DENND1A: variants seen among roughly 807,000 people sequenced by gnomAD.
DENND1A encodes DENN domain containing 1A.
A neutral mutation model predicts 113.7 loss-of-function variants in DENND1A; 51 were observed. The ratio of observed to expected loss-of-function variants is 0.45; its 90% CI spans 0.36 to 0.57. The LOEUF is 0.57. DENND1A is among the 20% of genes least tolerant of loss of function. DENND1A has a pLI of 0.00. For missense variants in DENND1A, 1,258 were observed against 1,395.9 expected (o/e 0.90, Z 1.57); for synonymous variants, 565 against 570.8 (o/e 0.99, Z 0.14).
chr9:123,658,309 C>T lies in DENND1A; in HGVS notation c.508-6186G>A, dbSNP rs185102686. Among the ~76,000 whole-genome samples, 293 of 152,116 alleles carry T rather than the reference C, an allele frequency of 1.9e-3. 1 individual carries two copies. The highest frequency in any genetic ancestry group is 6.8e-3 in the African/African-American group (282 of 41,474). ...CAAAACCTGGACACTAAAAAAAAAT[C>T]CTTTATATAGCTGGTTTACAATGTA... On this transcript the variant is annotated intron_variant, in intron 8 of 23. Transcript: ENST00000394215.
intron 13 of DENND1A, among the ~76,000 whole-genome samples, chr9:123,483,325 C>T (rs528688835): frequency 9.8e-5 from 15 of 152,314 alleles, no homozygotes; most frequent in African/African-American, 3.6e-4. Flanking sequence ...GCTGGCATGC[C>T]GATGGTGGTC....
intron 21 of DENND1A, among the ~76,000 whole-genome samples, chr9:123,392,548 C>A (rs1338131432): frequency 6.6e-6 from 1 of 152,174 alleles, no homozygotes; most frequent in Non-Finnish European, 1.5e-5. Context: ...CAGGGTGAGG[C>A]TAGGTCCTGC....
At chr9:123,896,433 C>T (rs1427652477) in intron 1 of DENND1A, among the ~76,000 whole-genome samples, 2 of 152,052 alleles carry the variant, frequency 1.3e-5, no homozygotes, top group Non-Finnish European at 2.9e-5. Context: ...CTGGAAAAAT[C>T]CACTTCAAAC....
chr9:123,406,201 C>G (rs1015794125), intron 20 of DENND1A, among the ~76,000 whole-genome samples: 3 of 152,250 alleles, frequency 2.0e-5, no homozygotes, highest in African/African-American at 4.8e-5. Context: ...CACGTCTGAT[C>G]TAACCAAAGT....
intron 5 of DENND1A, among the ~76,000 whole-genome samples, chr9:123,695,316 C>G (rs957726415): frequency 6.6e-6 from 1 of 152,060 alleles, no homozygotes; most frequent in South Asian, 2.1e-4. Flanking sequence ...AAAGTCCATA[C>G]GCTAAATATT....
chr9:123,838,410 G>A (rs1350733643), intron 2 of DENND1A, among the ~76,000 whole-genome samples: 1 of 152,046 alleles, frequency 6.6e-6, no homozygotes. Context: ...GCAAATAGAA[G>A]CTTAACAAAC....
In DENND1A at chr9:123,418,957, A is replaced by G. The variant is rs138730668; in HGVS notation, c.1489-7128T>C. Among the ~76,000 whole-genome samples the G allele has an allele frequency of 6.4e-3, 970 of 152,374 alleles. 8 individuals carry two copies. The highest frequency in any genetic ancestry group is 0.022 in the African/African-American group (929 of 41,590). On this transcript the variant is annotated intron_variant, in intron 19 of 23. Coordinates refer to ENST00000394215, the MANE Select transcript of DENND1A (RefSeq NM_001352964.2). ...GGACCCGTGGATTCACTCAGTCCCC[A>G]GTGAAGGGGACATCTGGGACCATCC...
chr9:123,764,166 A>G lies in DENND1A; in HGVS notation c.182+5348T>C, dbSNP rs2071271479. 2.6e-5 allele frequency among the ~76,000 whole-genome samples: 4 copies of G among 152,340 alleles called. No individual in the cohort carries two copies. In the South Asian group the frequency reaches 6.2e-4, roughly 24 times the overall value. ...ATCTGTAAATCATCAGAATAATCAC[A>G]TCACTTTGCAGAGTGGTTGCAGATT... On this transcript the variant is annotated intron_variant, in intron 4 of 23. Transcript: ENST00000394215. The surrounding 1 kb of genome is among the most constrained non-coding windows in gnomAD (Gnocchi z 4.1).
intron 20 of DENND1A, among the ~76,000 whole-genome samples, chr9:123,408,427 C>T (rs2044054561): frequency 6.6e-6 from 1 of 152,204 alleles, no homozygotes; most frequent in Non-Finnish European, 1.5e-5. Context: ...ATGCCAGGGA[C>T]TGTGCTAGGT....
chr9:123,417,694 T>C (rs1290120804), intron 19 of DENND1A, among the ~76,000 whole-genome samples: 3 of 152,242 alleles, frequency 2.0e-5, no homozygotes, highest in Non-Finnish European at 2.9e-5. Context: ...AGAGAGTAAC[T>C]GTCACCTTCT....
chr9:123,653,405 C>T (rs1383926162), intron 8 of DENND1A, among the ~76,000 whole-genome samples: 2 of 152,304 alleles, frequency 1.3e-5, no homozygotes, highest in Non-Finnish European at 2.9e-5. Flanking sequence ...AGGTCAGCAA[C>T]TGGCAAAGTC....
At chr9:123,742,997 T>G (rs1249793147) in intron 5 of DENND1A, among the ~76,000 whole-genome samples, 3 of 152,240 alleles carry the variant, frequency 2.0e-5, no homozygotes, top group Non-Finnish European at 4.4e-5. Context: ...ACATCAATGG[T>G]GCAGTGTATA....
intron 2 of DENND1A, among the ~76,000 whole-genome samples, chr9:123,796,005 A>G (rs1045204246): frequency 2.0e-5 from 3 of 152,204 alleles, no homozygotes; most frequent in African/African-American, 7.2e-5. Context: ...TTCTCTCAAC[A>G]ACTTTCTCCT....
chr9:123,658,802 C>A (rs577442875), intron 8 of DENND1A, among the ~76,000 whole-genome samples: 1 of 152,120 alleles, frequency 6.6e-6, no homozygotes, highest in African/African-American at 2.4e-5. Context: ...TGATCCCTGT[C>A]CTTAGAGAAG....
chr9:123,786,275 G>A (rs1832160355), intron 3 of DENND1A, among the ~76,000 whole-genome samples: 1 of 151,774 alleles, frequency 6.6e-6, no homozygotes, highest in African/African-American at 2.4e-5. Context: ...ACCTTTAAGG[G>A]CAGCTCCAAG....
intron 5 of DENND1A, among the ~76,000 whole-genome samples, chr9:123,708,284 A>T (rs1002194928): frequency 6.6e-6 from 1 of 152,194 alleles, no homozygotes; most frequent in Non-Finnish European, 1.5e-5. Context: ...TATTCTATAT[A>T]ATTAGATGCA....
intron 18 of DENND1A, among the ~76,000 whole-genome samples, chr9:123,449,708 T>C (rs993850326): frequency 1.3e-5 from 2 of 152,228 alleles, no homozygotes; most frequent in African/African-American, 4.8e-5. Flanking sequence ...CTGGATGGGA[T>C]TGGAGACTCT....
intron 16 of DENND1A, among the ~76,000 whole-genome samples, chr9:123,454,275 C>A (rs988479730): frequency 6.6e-6 from 1 of 152,174 alleles, no homozygotes; most frequent in Non-Finnish European, 1.5e-5. Context: ...TCTTTAGAGA[C>A]GTTGGAAGCC....
At chr9:123,769,679 T>C (rs1829412898) in intron 3 of DENND1A, 116 bp from the exon 4 acceptor site, 2 of 748,460 alleles carry the variant, frequency 2.7e-6, no homozygotes, top group South Asian at 5.0e-5. Context: ...GATGAAGAAA[T>C]ATGGGCTTTA....
Sources: gnomAD v4.1 joint callset for allele counts (sites outside exome capture counted in the v4.1 genomes callset) on GRCh38, gnomAD v4.1.1 for gene constraint, Gnocchi (gnomAD v3.1) non-coding constraint, MANE v1.5 for transcripts, NCBI Gene and HGNC (gene_info 2026-07-23, HGNC 2026-07-21) for gene names.